SLC22A23: variants seen among roughly 807,000 people sequenced by gnomAD.
SLC22A23 encodes the protein ion transporter protein.
Under a neutral mutation model 61.0 loss-of-function variants are expected in SLC22A23, and 26 were observed. That is an observed-to-expected ratio of 0.43 (90% CI 0.31 to 0.59). SLC22A23 has a LOEUF of 0.59. Ranked by LOEUF, SLC22A23 falls within the 20% of genes least tolerant of loss-of-function variation. The pLI, the probability that SLC22A23 is intolerant of heterozygous loss-of-function variation, is 0.11. For missense variants in SLC22A23, 796 were observed against 934.7 expected, an observed-to-expected ratio of 0.85 and a Z score of 1.94; for synonymous variants, 430 against 413.9, an observed-to-expected ratio of 1.04 and a Z score of -0.47.
chr6:3,312,812 C>G (rs991301176), intron 4 of SLC22A23: 1 of 152,408 alleles, frequency 6.6e-6, no homozygotes, highest in African/African-American at 2.4e-5. Flanking sequence ...CAGCCCACCA[C>G]CCCACAAAGT....
chr6:3,312,633 T>G (rs774044118), intron 4 of SLC22A23: 6 of 152,204 alleles, frequency 3.9e-5, no homozygotes, highest in Non-Finnish European at 7.3e-5. Flanking sequence ...CCATGTGGTC[T>G]GCCAGAGTCC....
At chr6:3,275,105 T>G (rs4295526) in intron 9 of SLC22A23, among the ~76,000 whole-genome samples, 13,790 of 152,234 alleles carry the variant, frequency 0.091, 1,649 homozygotes, top group African/African-American at 0.27. Context: ...TAAGGCAGTG[T>G]GGTGTTGGTG....
At chr6:3,445,071 G>A (rs929236010) in intron 1 of SLC22A23, 24 of 714,796 alleles carry the variant, frequency 3.4e-5, no homozygotes, top group Non-Finnish European at 4.1e-5. Flanking sequence ...CCTCACAATG[G>A]CCCTCAAGGT....
At chr6:3,334,413 G>A (rs1382529239) in intron 3 of SLC22A23, among the ~76,000 whole-genome samples, 11 of 152,114 alleles carry the variant, frequency 7.2e-5, no homozygotes, top group Admixed American at 6.5e-4. Flanking sequence ...CACCCGCCTC[G>A]GCCTCCCAAA....
At chr6:3,396,574 A>G (rs1299124878) in intron 3 of SLC22A23, among the ~76,000 whole-genome samples, 2 of 152,008 alleles carry the variant, frequency 1.3e-5, no homozygotes, top group Non-Finnish European at 2.9e-5. Context: ...AACAACAACA[A>G]ACCCCAAGAC....
At chr6:3,334,285 T>C (rs545448358) in intron 3 of SLC22A23, among the ~76,000 whole-genome samples, 1 of 152,306 alleles carries the variant, frequency 6.6e-6, no homozygotes, top group African/African-American at 2.4e-5. Context: ...CCTCAGCTTC[T>C]TGAGTAGCTA....
intron 1 of SLC22A23, among the ~76,000 whole-genome samples, chr6:3,452,423 CT>C (rs1375348150): frequency 6.6e-6 from 1 of 151,542 alleles, no homozygotes; most frequent in Non-Finnish European, 1.5e-5. Flanking sequence ...CAAGACCCCC[CT>C]CTCTACAAAA....
intron 8 of SLC22A23, chr6:3,284,261 C>T: frequency 2.9e-6 from 1 of 342,814 alleles, no homozygotes; most frequent in South Asian, 3.5e-5. Flanking sequence ...GGTGGGAGGG[C>T]AGGCTGGCAT....
At chr6:3,320,624 T>A (rs1762894816) in intron 4 of SLC22A23, among the ~76,000 whole-genome samples, 1 of 151,976 alleles carries the variant, frequency 6.6e-6, no homozygotes, top group South Asian at 2.1e-4. Flanking sequence ...CCACTTCAAA[T>A]CCTGTCAAAC....
At chr6:3,388,992 GCGTGGTGGCTCA>G (rs1767484258) in intron 3 of SLC22A23, among the ~76,000 whole-genome samples, 1 of 152,068 alleles carries the variant, frequency 6.6e-6, no homozygotes, top group South Asian at 2.1e-4. Flanking sequence ...GTGGCTGCGG[GCGTGGTGGCTCA>G]CTCCTGTAAT....
chr6:3,310,108 T>C (rs550640951), intron 4 of SLC22A23, among the ~76,000 whole-genome samples: 4 of 152,376 alleles, frequency 2.6e-5, no homozygotes, highest in African/African-American at 9.6e-5. Flanking sequence ...AGTGGTATCA[T>C]GTACACAATG....
chr6:3,455,225 C>G (rs1216247136), intron 1 of SLC22A23, among the ~76,000 whole-genome samples: 1 of 152,200 alleles, frequency 6.6e-6, no homozygotes. Flanking sequence ...AGCACACCCC[C>G]GTTCTCAGTG....
At position 3,323,963 on chromosome 6, in the gene SLC22A23, G is replaced by A. The variant is rs143100651; in HGVS notation, c.953C>T (p.Thr318Met). ...CATGGCCACGAAGCTCGCCACCATC[G>A]TAATCATGAACCGTTTTCCAGGGGG... ...LCPPGKRFMI[T>M]MVASFVAMAG... Residue 318 changes from threonine to methionine, a missense_variant, in exon 4 of 10, where the codon ACG becomes ATG. By Grantham distance (81) the Thr-to-Met change is moderately conservative. Transcript: ENST00000406686. 1.1e-5 allele frequency: 17 copies of A among 1,614,112 alleles called. No individual in the cohort carries two copies. The highest frequency in any genetic ancestry group is 1.4e-5 in the Non-Finnish European group (16 of 1,180,042).
At chr6:3,348,713 C>T (rs964555301) in intron 3 of SLC22A23, among the ~76,000 whole-genome samples, 1 of 152,206 alleles carries the variant, frequency 6.6e-6, no homozygotes, top group Non-Finnish European at 1.5e-5. Context: ...GCTCATTCAA[C>T]CCAAGATCCA....
At chr6:3,348,984 C>A (rs539582565) in intron 3 of SLC22A23, among the ~76,000 whole-genome samples, 7 of 152,354 alleles carry the variant, frequency 4.6e-5, no homozygotes, top group East Asian at 1.9e-4. Context: ...TCTTTCATAA[C>A]CCCTTCAGAA....
Position 3,421,807 on chromosome 6 carries a change from CT to C in SLC22A23, c.655-5953del, listed in dbSNP as rs1201418737. ...ACCAACAAAGGAAAAACCTTTTCGC[CT>C]TCTCGGAAACACGTATTTTAAGACA... On this transcript the variant is annotated intron_variant, in intron 1 of 9. Coordinates refer to ENST00000406686, the MANE Select transcript of SLC22A23 (RefSeq NM_015482.2). Among the ~76,000 whole-genome samples the C allele has an allele frequency of 1.3e-5, 2 of 152,158 alleles. 1 individual carries two copies. Among genetic ancestry groups the C allele is most frequent in the African/African-American group, 4.8e-5 (2 of 41,428 alleles).
Position 3,297,477 on chromosome 6 carries a change from G to T in SLC22A23, c.1210+614C>A, listed in dbSNP as rs1054060262. Reference sequence around the variant, plus strand: ...TCAGGGCTTATCCCAAATCTAACAGGTCAGGATCTCCAGGTGCCAGGGAGA... The same window carrying T: ...TCAGGGCTTATCCCAAATCTAACAGTTCAGGATCTCCAGGTGCCAGGGAGA... On this transcript the variant is annotated intron_variant, in intron 5 of 9. Coordinates refer to ENST00000406686, the MANE Select transcript of SLC22A23 (RefSeq NM_015482.2). This position sits in a 1 kb window ranked among gnomAD's most constrained non-coding sequence, Gnocchi z 4.3. Among the ~76,000 whole-genome samples, 2 of 152,124 alleles carry T rather than the reference G, an allele frequency of 1.3e-5. No individual in the cohort carries two copies. The highest frequency in any genetic ancestry group is 6.5e-5 in the Admixed American group (1 of 15,282).
intron 1 of SLC22A23, among the ~76,000 whole-genome samples, chr6:3,444,168 C>A (rs1406767669): frequency 6.6e-6 from 1 of 152,186 alleles, no homozygotes; most frequent in Non-Finnish European, 1.5e-5. Context: ...GAGGAATCCA[C>A]TTCATGCACT....
At chr6:3,301,855 A>G (rs1262043184) in intron 4 of SLC22A23, among the ~76,000 whole-genome samples, 1 of 152,256 alleles carries the variant, frequency 6.6e-6, no homozygotes, top group Admixed American at 6.5e-5. Context: ...TTTTGAAGCC[A>G]GGATAGGAGG....
Sources: gnomAD v4.1 joint callset for allele counts (sites outside exome capture counted in the v4.1 genomes callset) on GRCh38, gnomAD v4.1.1 for gene constraint, Gnocchi (gnomAD v3.1) non-coding constraint, MANE v1.5 for transcripts, NCBI Gene and HGNC (gene_info 2026-07-23, HGNC 2026-07-21) for gene names.